GRAMD1C: variants seen among roughly 807,000 people sequenced by gnomAD.
GRAMD1C encodes protein Aster-C.
In GRAMD1C, 89 loss-of-function variants were observed where a neutral mutation model predicts 97.8. The ratio of observed to expected loss-of-function variants is 0.91; its 90% CI spans 0.77 to 1.09. GRAMD1C has a LOEUF of 1.09. GRAMD1C is among the 50% of genes least tolerant of loss of function. The probability of loss-of-function intolerance (pLI) is 0.00; values close to 1 mark genes in which losing one functional copy is unlikely to be tolerated. For synonymous variants in GRAMD1C, 256 were observed against 267.0 expected (o/e 0.96, Z 0.40); for missense variants, 740 against 766.4 (o/e 0.97, Z 0.41).
At chr3:113,843,453 G>C (rs1199085434) in intron 1 of GRAMD1C, among the ~76,000 whole-genome samples, 1 of 151,638 alleles carries the variant, frequency 6.6e-6, no homozygotes, top group African/African-American at 2.4e-5. Flanking sequence ...ACTGCCTGAT[G>C]AGTGATCTTA....
At chr3:113,868,293 CTA>C (rs1934661539) in intron 2 of GRAMD1C, among the ~76,000 whole-genome samples, 1 of 151,984 alleles carries the variant, frequency 6.6e-6, no homozygotes. Context: ...CCCTCAAAGG[CTA>C]TTTCTGTTTT....
At position 113,891,445 on chromosome 3, in the gene GRAMD1C, A is replaced by G. The variant is rs901544742; in HGVS notation, c.540+8613A>G. On this transcript the variant is annotated intron_variant, in intron 6 of 17. Transcript: ENST00000358160. Reference sequence around the variant, plus strand: ...TTCCCTTTTAGTTTTTTAAAGTCATAAAGCCACATTGGTTAAATTTCTTGA... The same window carrying G: ...TTCCCTTTTAGTTTTTTAAAGTCATGAAGCCACATTGGTTAAATTTCTTGA... Among the ~76,000 whole-genome samples the G allele has an allele frequency of 2.0e-4, 31 of 152,280 alleles. 1 individual carries two copies. Among genetic ancestry groups the G allele is most frequent in the Admixed American group, 1.8e-3 (27 of 15,286 alleles).
intron 5 of GRAMD1C, among the ~76,000 whole-genome samples, chr3:113,879,859 A>G (rs1051087777): frequency 3.3e-5 from 5 of 151,632 alleles, no homozygotes; most frequent in African/African-American, 9.7e-5. Flanking sequence ...ATGCCCGGCT[A>G]ATTTTTGTAT....
At chr3:113,896,247 G>T (rs570400708) in intron 6 of GRAMD1C, among the ~76,000 whole-genome samples, 3 of 152,094 alleles carry the variant, frequency 2.0e-5, no homozygotes, top group African/African-American at 7.2e-5. Context: ...TTTCGGCAGC[G>T]TTAGATACCA....
chr3:113,876,306 T>G, intron 5 of GRAMD1C, 46 bp downstream of exon 5: 2 of 983,978 alleles, frequency 2.0e-6, no homozygotes, highest in Middle Eastern at 2.1e-4. Context: ...GTGAAGAAAA[T>G]CTCCCTCATA....
chr3:113,833,120 C>CTTTCTTTTTTTTTTTTTTTTTT (rs1433365897), intron 1 of GRAMD1C, among the ~76,000 whole-genome samples: 1 of 129,474 alleles, frequency 7.7e-6, no homozygotes, highest in Non-Finnish European at 1.6e-5. Flanking sequence ...TTCTTTCTTT[C>CTTTCTTTTTTTTTTTTTTTTTT]TTTTTTTTTT....
intron 6 of GRAMD1C, among the ~76,000 whole-genome samples, chr3:113,896,260 G>A (rs1008187725): frequency 6.6e-6 from 1 of 152,144 alleles, no homozygotes; most frequent in Non-Finnish European, 1.5e-5. Context: ...AGATACCACT[G>A]TATACTCCCT....
chr3:113,899,525 G>T (rs1421625013), intron 6 of GRAMD1C, among the ~76,000 whole-genome samples: 1 of 152,148 alleles, frequency 6.6e-6, no homozygotes, highest in African/African-American at 2.4e-5. Flanking sequence ...ATTCTCCTTA[G>T]CATCTAGTGC....
intron 2 of GRAMD1C, among the ~76,000 whole-genome samples, chr3:113,848,784 C>T (rs756721378): frequency 4.6e-5 from 7 of 151,722 alleles, no homozygotes; most frequent in East Asian, 1.9e-4. Context: ...CCAGGCTAGG[C>T]GACAGAGAGA....
chr3:113,850,344 A>C (rs1577123852), intron 2 of GRAMD1C: 2 of 753,578 alleles, frequency 2.7e-6, no homozygotes, highest in Non-Finnish European at 4.8e-6. Flanking sequence ...GGGGGCACAA[A>C]ACTCCGTCTG....
intron 2 of GRAMD1C, among the ~76,000 whole-genome samples, chr3:113,854,416 TTAGGAGATAGAAGAA>T (rs1265061105): frequency 6.6e-6 from 1 of 151,990 alleles, no homozygotes; most frequent in Non-Finnish European, 1.5e-5. Context: ...TGAGATTTGG[TTAGGAGATAGAAGAA>T]AATCTTAAAA....
chr3:113,935,706 G>T (rs983991206), intron 13 of GRAMD1C, among the ~76,000 whole-genome samples: 2 of 151,436 alleles, frequency 1.3e-5, no homozygotes, highest in Non-Finnish European at 2.9e-5. Context: ...TTCTTCATCA[G>T]GAGCAGAGAA....
Position 113,945,483 on chromosome 3 carries a change from C to G in GRAMD1C, c.*5C>G. The stretch of plus-strand genomic sequence containing the variant: ...GGCATGGCTGTTGAAAGCTAGTGAT[C>G]TGAAGGACTAAAACCGCAGAGATAC... On this transcript the variant is annotated 3_prime_UTR_variant, in exon 18 of 18. Transcript: ENST00000358160. 1 of 1,510,474 alleles carries G rather than the reference C, an allele frequency of 6.6e-7. No individual in the cohort carries two copies. The highest frequency in any genetic ancestry group is 9.2e-7 in the Non-Finnish European group (1 of 1,088,906). The allele number at this position is 1,510,474 out of a possible 1,614,324, so 93.6% of individuals were successfully genotyped here. A position where few individuals can be genotyped will look rare whatever the true frequency, so the allele number is the denominator to read the frequency against.
At chr3:113,923,526 C>G (rs904430507) in intron 10 of GRAMD1C, among the ~76,000 whole-genome samples, 1 of 152,098 alleles carries the variant, frequency 6.6e-6, no homozygotes, top group Non-Finnish European at 1.5e-5. Context: ...TTGAGATGAT[C>G]ATGTGGTTTT....
At chr3:113,923,794 G>T (rs967686150) in intron 10 of GRAMD1C, among the ~76,000 whole-genome samples, 9 of 152,214 alleles carry the variant, frequency 5.9e-5, no homozygotes, top group African/African-American at 2.2e-4. Context: ...TGGCCTCATA[G>T]AATGAGTTAG....
chr3:113,920,273 T>C (rs1219657736), intron 10 of GRAMD1C: 7 of 638,198 alleles, frequency 1.1e-5, no homozygotes, highest in African/African-American at 5.6e-5. Context: ...AGGTTGAAGA[T>C]GGTTGCAGCT....
At chr3:113,852,401 A>G (rs1467090357) in intron 2 of GRAMD1C, among the ~76,000 whole-genome samples, 1 of 152,192 alleles carries the variant, frequency 6.6e-6, no homozygotes, top group East Asian at 1.9e-4. Flanking sequence ...AATTTGAAAA[A>G]TTTTAAGTAT....
intron 2 of GRAMD1C, among the ~76,000 whole-genome samples, chr3:113,851,588 G>A (rs1229526859): frequency 2.7e-5 from 4 of 147,946 alleles, no homozygotes; most frequent in Non-Finnish European, 4.4e-5. Flanking sequence ...CTGTGATCTC[G>A]GTTCACTGCA....
intron 2 of GRAMD1C, 123 bp downstream of exon 2, chr3:113,844,772 T>C: frequency 1.5e-6 from 1 of 650,894 alleles, no homozygotes; most frequent in Non-Finnish European, 2.6e-6. Flanking sequence ...GTTTCAATTT[T>C]AGTCCAGAGT....
Sources: gnomAD v4.1 joint callset for allele counts (sites outside exome capture counted in the v4.1 genomes callset) on GRCh38, gnomAD v4.1.1 for gene constraint, MANE v1.5 for transcripts, NCBI Gene and HGNC (gene_info 2026-07-23, HGNC 2026-07-21) for gene names.